The following GYPE variants were observed in gnomAD, a reference collection of about 807,000 sequenced individuals.
GYPE encodes glycophorin-E.
Under a neutral mutation model 11.6 loss-of-function variants are expected in GYPE, and 8 were observed. The observed-to-expected ratio is 0.69, with a 90% CI of 0.41 to 1.25. The LOEUF (loss-of-function observed/expected upper bound fraction) is 1.25, where lower values mean the gene tolerates loss of function less well. Ranked by LOEUF, GYPE falls within the 50% of genes most tolerant of loss-of-function variation. GYPE has a pLI of 0.01. For synonymous variants in GYPE, 28 were observed against 29.6 expected (o/e 0.94, Z 0.18); for missense variants, 90 against 92.8 (o/e 0.97, Z 0.12).
At chr4:143,886,029 C>T (rs200467735) in intron 1 of GYPE, among the ~76,000 whole-genome samples, 20,860 of 30,512 alleles carry the variant, frequency 0.68, 8,060 homozygotes, top group East Asian at 0.99. Flanking sequence ...TTTCATAGTT[C>T]ATTTTTCTTC....
At chr4:143,876,373 C>T (rs1275124748) in intron 3 of GYPE, among the ~76,000 whole-genome samples, 8 of 152,066 alleles carry the variant, frequency 5.3e-5, no homozygotes, top group Non-Finnish European at 8.8e-5. Flanking sequence ...CTTGGCCTCC[C>T]CCAAAGTTTT....
intron 1 of GYPE, among the ~76,000 whole-genome samples, chr4:143,895,993 T>C (rs1348800767): frequency 2.6e-5 from 4 of 152,060 alleles, no homozygotes; most frequent in Non-Finnish European, 5.9e-5. Context: ...TTACACTTTA[T>C]ACAAAAATTA....
rs1743826762 is a variant in GYPE, at chr4:143,876,774, A to C, written c.218T>G (p.Ile73Ser). 1.2e-6 allele frequency: 2 copies of C among 1,604,642 alleles called. No homozygotes were observed. Among genetic ancestry groups the C allele is most frequent in the South Asian group, 2.2e-5 (2 of 90,550 alleles). The change falls in exon 3 of 4, where the codon ATT becomes AGT. Residue 73 changes from isoleucine (I) to serine (S), a missense_variant. Physicochemically the swap from Ile to Ser is moderately radical, Grantham distance 142. Transcript: ENST00000358615. ...MLVVVGMIILISYCIR is the reference protein window; with the variant it reads ...MLVVVGMIILSSYCIR The stretch of plus-strand genomic sequence containing the variant: ...TATCAGTCATCGAATACAGTAAGAA[A>C]TTAAGATGATCATTCCAACAACAAC...
At chr4:143,900,830 G>A (rs1179141010) in intron 1 of GYPE, among the ~76,000 whole-genome samples, 1 of 152,090 alleles carries the variant, frequency 6.6e-6, no homozygotes, top group Non-Finnish European at 1.5e-5. Flanking sequence ...GGGGCTGGAG[G>A]AATTGGAAGT....
intron 1 of GYPE, among the ~76,000 whole-genome samples, chr4:143,897,019 A>C (rs1345939983): frequency 5.1e-5 from 7 of 136,758 alleles, no homozygotes; most frequent in African/African-American, 2.7e-5. Context: ...GGGTGGGGGC[A>C]GGGGGGAGGG....
At chr4:143,901,614 T>C (rs376494722) in intron 1 of GYPE, among the ~76,000 whole-genome samples, 49 of 146,560 alleles carry the variant, frequency 3.3e-4, no homozygotes, top group African/African-American at 1.2e-3. Flanking sequence ...CAGCCTGATT[T>C]TGTCAGCACC....
At chr4:143,902,337 C>T (rs1202005225) in intron 1 of GYPE, among the ~76,000 whole-genome samples, 1 of 37,516 alleles carries the variant, frequency 2.7e-5, no homozygotes, top group African/African-American at 6.4e-5. Flanking sequence ...TTCTTGGATC[C>T]CTGAAAAAAA....
intron 1 of GYPE, among the ~76,000 whole-genome samples, chr4:143,900,790 T>C (rs964561580): frequency 1.4e-4 from 21 of 152,134 alleles, no homozygotes; most frequent in African/African-American, 5.1e-4. Context: ...GGTAAATCTG[T>C]AGAGGTAGAA....
chr4:143,888,657 G>A lies in GYPE; in HGVS notation c.38-8148C>T, dbSNP rs538834459. On this transcript the variant is annotated intron_variant, in intron 1 of 3. Transcript: ENST00000358615. ...TCTCATTGTCTTGGACAGAATTAAC[G>A]TATAAATGGGAATCTTGCCTGTGCT... Among the ~76,000 whole-genome samples the A allele has an allele frequency of 8.5e-3, 1,259 of 147,670 alleles. 18 individuals are homozygous for A. Among genetic ancestry groups the A allele is most frequent in the African/African-American group, 0.029 (1,170 of 40,344 alleles).
chr4:143,898,843 T>C (rs1289896790), intron 1 of GYPE, among the ~76,000 whole-genome samples: 2 of 152,118 alleles, frequency 1.3e-5, no homozygotes, highest in African/African-American at 4.8e-5. Flanking sequence ...GCAGAATAGT[T>C]CAGGAAAGGT....
chr4:143,892,352 C>G (rs1744442199), intron 1 of GYPE, among the ~76,000 whole-genome samples: 2 of 150,274 alleles, frequency 1.3e-5, no homozygotes. Flanking sequence ...CTTCTGCTAG[C>G]TTTTGAATGT....
chr4:143,900,118 T>G (rs900528330), intron 1 of GYPE, among the ~76,000 whole-genome samples: 3 of 151,698 alleles, frequency 2.0e-5, no homozygotes, highest in Admixed American at 6.6e-5. Flanking sequence ...AAAATAGATT[T>G]AAAAATGGGT....
chr4:143,873,545 A>G, intron 3 of GYPE: 1 of 445,880 alleles, frequency 2.2e-6, no homozygotes, highest in Non-Finnish European at 4.5e-6. Context: ...GGCTGATATA[A>G]CATATTCTCT....
chr4:143,892,978 A>G (rs1460827201), intron 1 of GYPE, among the ~76,000 whole-genome samples: 1 of 144,490 alleles, frequency 6.9e-6, no homozygotes, highest in East Asian at 2.1e-4. Flanking sequence ...GACTTGCTTT[A>G]TGAATCTGGG....
chr4:143,881,660 G>T (rs191788950), intron 1 of GYPE, among the ~76,000 whole-genome samples: 26 of 152,268 alleles, frequency 1.7e-4, no homozygotes, highest in Non-Finnish European at 1.2e-4. Context: ...TGACTGCAAA[G>T]TATTCCATTA....
At chr4:143,880,642 A>G (rs1743990340) in intron 1 of GYPE, 133 bp from the exon 2 acceptor site, 1 of 1,369,846 alleles carries the variant, frequency 7.3e-7, no homozygotes, top group Admixed American at 1.9e-5. Flanking sequence ...TATCTTACAT[A>G]ATCTTTAGAG....
chr4:143,902,340 G>GAAAAAAAA (rs201093353), intron 1 of GYPE, among the ~76,000 whole-genome samples: 2 of 133,702 alleles, frequency 1.5e-5, no homozygotes, highest in African/African-American at 5.6e-5. Context: ...TTGGATCCCT[G>GAAAAAAAA]AAAAAAAAAA....
At position 143,903,354 on chromosome 4, in the gene GYPE, A is replaced by G. The variant is rs187040252; in HGVS notation, c.37+2117T>C. On this transcript the variant is annotated intron_variant, in intron 1 of 3. Coordinates refer to ENST00000358615, the MANE Select transcript of GYPE (RefSeq NM_198682.3). The stretch of plus-strand genomic sequence containing the variant: ...GTGTCTGGTTCACAATCTGACATGT[A>G]ATGACTGAATCATCAAATGAGTGCA... Among the ~76,000 whole-genome samples, 317 of 151,856 alleles carry G rather than the reference A, an allele frequency of 2.1e-3. 3 individuals carry two copies. Among genetic ancestry groups the G allele is most frequent in the African/African-American group, 7.5e-3 (310 of 41,304 alleles).
chr4:143,901,802 G>T (rs1011649660), intron 1 of GYPE, among the ~76,000 whole-genome samples: 1 of 151,912 alleles, frequency 6.6e-6, no homozygotes, highest in Non-Finnish European at 1.5e-5. Flanking sequence ...TTTATCACAA[G>T]AATGTGAAGC....
Sources: gnomAD v4.1 joint callset for allele counts (sites outside exome capture counted in the v4.1 genomes callset) on GRCh38, gnomAD v4.1.1 for gene constraint, MANE v1.5 for transcripts, NCBI Gene and HGNC (gene_info 2026-07-23, HGNC 2026-07-21) for gene names.